The following DGKB variants were observed in gnomAD, a reference collection of about 807,000 sequenced individuals.
DGKB encodes the protein 90 kDa diacylglycerol kinase.
A neutral mutation model predicts 114.3 loss-of-function variants in DGKB; 67 were observed. The observed-to-expected ratio is 0.59, with a 90% CI of 0.48 to 0.72. The LOEUF (loss-of-function observed/expected upper bound fraction) is 0.72. Among genes scored for constraint, DGKB ranks in the 30% least tolerant of loss-of-function variants. DGKB has a pLI of 0.00. For synonymous variants in DGKB, 398 were observed against 323.1 expected, an observed-to-expected ratio of 1.23 and a Z score of -2.49; for missense variants, 907 against 975.2, an observed-to-expected ratio of 0.93 and a Z score of 0.93.
intron 20 of DGKB, among the ~76,000 whole-genome samples, chr7:14,504,370 A>C (rs1786683251): frequency 6.6e-6 from 1 of 152,186 alleles, no homozygotes; most frequent in Non-Finnish European, 1.5e-5. Context: ...AATCAGCTGG[A>C]GTTCAGATTG....
At chr7:14,539,578 T>C (rs182148219) in intron 20 of DGKB, among the ~76,000 whole-genome samples, 1 of 152,268 alleles carries the variant, frequency 6.6e-6, no homozygotes, top group Non-Finnish European at 1.5e-5. Flanking sequence ...ACATGAAAGT[T>C]AAGCAAGGGT....
chr7:14,678,247 C>T (rs6956435), intron 12 of DGKB, among the ~76,000 whole-genome samples: 89,039 of 151,862 alleles, frequency 0.59, 27,293 homozygotes, highest in East Asian at 0.92. Flanking sequence ...GAGCGGGCCA[C>T]AGTTAACAGT....
rs1781764086 is a variant in DGKB at position 14,148,829 on chromosome 7, G to C, written c.*302C>G. 2.6e-6 allele frequency: 1 copy of C among 389,536 alleles called. No individual in the cohort carries two copies. The highest frequency in any genetic ancestry group is 4.7e-6 in the Non-Finnish European group (1 of 214,426). 24.1% of individuals were successfully genotyped at this position (389,536 alleles called of 1,614,324 possible). A position where few individuals can be genotyped will look rare whatever the true frequency, so the allele number is the denominator to read the frequency against. On this transcript the variant is annotated 3_prime_UTR_variant, in exon 26 of 26. Transcript: ENST00000402815. ...TTTCACGGGTTTTTCTCACAGGTTA[G>C]TAAAAGGAAATTGGGGAAGAGTTGG...
chr7:14,481,800 A>G (rs1319934835), intron 20 of DGKB, among the ~76,000 whole-genome samples: 1 of 151,962 alleles, frequency 6.6e-6, no homozygotes, highest in Admixed American at 6.6e-5. Flanking sequence ...GTAATTTACT[A>G]AAAAGTTTCA....
chr7:14,643,517 A>C (rs943233255), intron 13 of DGKB, among the ~76,000 whole-genome samples: 1 of 152,136 alleles, frequency 6.6e-6, no homozygotes, highest in African/African-American at 2.4e-5. Flanking sequence ...ATTCCCCTAC[A>C]TCCACTGAGA....
intron 20 of DGKB, among the ~76,000 whole-genome samples, chr7:14,499,670 A>G (rs1424091107): frequency 6.6e-6 from 1 of 151,846 alleles, no homozygotes; most frequent in Admixed American, 6.6e-5. Flanking sequence ...TGATTTACAA[A>G]TAATGAGCTG....
chr7:14,698,570 G>A (rs1824520183), intron 7 of DGKB, among the ~76,000 whole-genome samples: 1 of 152,104 alleles, frequency 6.6e-6, no homozygotes. Flanking sequence ...CAACTGAGAA[G>A]TCTATTTTTA....
chr7:14,963,994 G>T (rs997161467), intron 1 of DGKB, among the ~76,000 whole-genome samples: 36 of 151,966 alleles, frequency 2.4e-4, no homozygotes, highest in African/African-American at 8.0e-4. Flanking sequence ...TTATAATAAA[G>T]ATATTCAGAA....
At chr7:14,804,933 C>T (rs1842613794) in intron 2 of DGKB, among the ~76,000 whole-genome samples, 1 of 151,900 alleles carries the variant, frequency 6.6e-6, no homozygotes, top group Admixed American at 6.6e-5. Flanking sequence ...TTCTTTCCTA[C>T]CTCTCATAAT....
At chr7:14,152,042 A>G (rs898181265) in intron 25 of DGKB, among the ~76,000 whole-genome samples, 2 of 152,024 alleles carry the variant, frequency 1.3e-5, no homozygotes, top group African/African-American at 4.8e-5. Context: ...AATCCTGGTT[A>G]CGGGGGGTTA....
At chr7:14,524,696 C>T (rs969519452) in intron 20 of DGKB, among the ~76,000 whole-genome samples, 1 of 147,780 alleles carries the variant, frequency 6.8e-6, no homozygotes, top group Non-Finnish European at 1.5e-5. Flanking sequence ...GCAGAAGTTG[C>T]AGTGAGTGGA....
At chr7:14,207,187 T>C (rs182912257) in intron 23 of DGKB, among the ~76,000 whole-genome samples, 12 of 152,166 alleles carry the variant, frequency 7.9e-5, no homozygotes, top group African/African-American at 2.9e-4. Flanking sequence ...CAACATGTGA[T>C]CCATCAGTAT....
At chr7:14,911,227 AT>A (rs1181273310) in intron 1 of DGKB, among the ~76,000 whole-genome samples, 2 of 152,122 alleles carry the variant, frequency 1.3e-5, no homozygotes, top group African/African-American at 4.8e-5. Flanking sequence ...TTTGAAAAAA[AT>A]AATGGAATCA....
chr7:14,525,131 C>T (rs1429654139), intron 20 of DGKB, among the ~76,000 whole-genome samples: 1 of 151,972 alleles, frequency 6.6e-6, no homozygotes, highest in Non-Finnish European at 1.5e-5. Context: ...CTTTGAACCC[C>T]TTTGATAAAT....
chr7:14,781,450 T>C (rs1048759898), intron 2 of DGKB, among the ~76,000 whole-genome samples: 9 of 152,184 alleles, frequency 5.9e-5, no homozygotes, highest in African/African-American at 1.9e-4. Context: ...CTCACCATTA[T>C]CTCTTCTACT....
At chr7:14,320,297 C>A (rs919996442) in intron 23 of DGKB, among the ~76,000 whole-genome samples, 1 of 152,108 alleles carries the variant, frequency 6.6e-6, no homozygotes, top group Non-Finnish European at 1.5e-5. Flanking sequence ...GTTGGTCTAA[C>A]AAAACTCAGC....
At chr7:14,696,451 C>T (rs1279951289) in intron 8 of DGKB, among the ~76,000 whole-genome samples, 4 of 134,054 alleles carry the variant, frequency 3.0e-5, no homozygotes, top group South Asian at 2.5e-4. Context: ...GCCGAGATTG[C>T]GCCACTGCAG....
At chr7:14,827,790 T>C (rs570116419) in intron 2 of DGKB, among the ~76,000 whole-genome samples, 1 of 152,132 alleles carries the variant, frequency 6.6e-6, no homozygotes, top group Non-Finnish European at 1.5e-5. Context: ...TAGACAATGA[T>C]GCATAAGTAG....
At chr7:14,705,657 T>A (rs1195671689) in intron 6 of DGKB, among the ~76,000 whole-genome samples, 1 of 149,472 alleles carries the variant, frequency 6.7e-6, no homozygotes, top group African/African-American at 2.5e-5. Context: ...TGGGGGCCAA[T>A]ATTCAACATT....
Sources: gnomAD v4.1 joint callset for allele counts (sites outside exome capture counted in the v4.1 genomes callset) on GRCh38, gnomAD v4.1.1 for gene constraint, MANE v1.5 for transcripts, NCBI Gene and HGNC (gene_info 2026-07-23, HGNC 2026-07-21) for gene names.